Variants in SLC9A4 observed in about 807,000 individuals in gnomAD.
SLC9A4 encodes the protein solute carrier family 9 member A4.
Under a neutral mutation model 67.4 loss-of-function variants are expected in SLC9A4, and 63 were observed. The observed-to-expected ratio is 0.93, with a 90% confidence interval of 0.76 to 1.15. SLC9A4 has a LOEUF of 1.15. SLC9A4 is among the 50% of genes most tolerant of loss of function. The probability of loss-of-function intolerance (pLI) is 0.00; values close to 1 mark genes in which losing one functional copy is unlikely to be tolerated. For synonymous variants in SLC9A4, 393 were observed against 367.2 expected (o/e 1.07, Z -0.80); for missense variants, 1,089 against 987.7 (o/e 1.10, Z -1.38).
intron 2 of SLC9A4, among the ~76,000 whole-genome samples, chr2:102,487,184 T>A (rs1307891671): frequency 6.6e-6 from 1 of 151,632 alleles, no homozygotes; most frequent in East Asian, 1.9e-4. Context: ...AGCTGGTGTG[T>A]GTGTGTGTGT....
At chr2:102,511,706 G>A (rs1026773163) in intron 6 of SLC9A4, among the ~76,000 whole-genome samples, 1 of 151,974 alleles carries the variant, frequency 6.6e-6, no homozygotes, top group African/African-American at 2.4e-5. Flanking sequence ...ATATTAAAAT[G>A]AGAGATACTT....
rs75926774 is a variant in SLC9A4 at position 102,494,244 on chromosome 2, G to A, written c.721-9204G>A. 3.3e-3 allele frequency among the ~76,000 whole-genome samples: 503 copies of A among 151,906 alleles called. 18 individuals carry two copies. In the East Asian group the frequency reaches 0.077, roughly 23 times the overall value. On this transcript the variant is annotated intron_variant, in intron 2 of 11. Coordinates refer to ENST00000295269, the MANE Select transcript of SLC9A4 (RefSeq NM_001011552.4). ...ATTTAATGAACTGACATGGCTATAA[G>A]GTTTCTTTATTTTATATGAACTGGT... is the stretch of plus-strand genomic sequence containing the variant.
At chr2:102,495,890 G>C (rs550095777) in intron 2 of SLC9A4, among the ~76,000 whole-genome samples, 8 of 151,910 alleles carry the variant, frequency 5.3e-5, no homozygotes, top group African/African-American at 1.7e-4. Flanking sequence ...AAATGGAAAA[G>C]GTATAATTAT....
At chr2:102,514,725 G>A (rs1353594949) in intron 8 of SLC9A4, among the ~76,000 whole-genome samples, 1 of 152,146 alleles carries the variant, frequency 6.6e-6, no homozygotes, top group Non-Finnish European at 1.5e-5. Context: ...GGTCATTGGT[G>A]GTCTATGTAA....
intron 8 of SLC9A4, among the ~76,000 whole-genome samples, chr2:102,515,871 G>A (rs560568063): frequency 1.6e-4 from 24 of 152,162 alleles, no homozygotes; most frequent in Non-Finnish European, 3.1e-4. Flanking sequence ...GGGTCATGAC[G>A]TTAACAAAAA....
chr2:102,482,646 T>G (rs150586033), intron 2 of SLC9A4, among the ~76,000 whole-genome samples: 1 of 152,112 alleles, frequency 6.6e-6, no homozygotes, highest in Non-Finnish European at 1.5e-5. Flanking sequence ...CAGATCCAAG[T>G]TTTTTGGAGG....
At chr2:102,502,823 G>A (rs571008995) in intron 2 of SLC9A4, among the ~76,000 whole-genome samples, 277 of 152,376 alleles carry the variant, frequency 1.8e-3, no homozygotes, top group African/African-American at 6.4e-3. Flanking sequence ...CTCTCAGAGC[G>A]TGGGCTGCTC....
intron 11 of SLC9A4, among the ~76,000 whole-genome samples, chr2:102,530,029 G>A (rs769735201): frequency 2.0e-5 from 3 of 152,194 alleles, no homozygotes; most frequent in Non-Finnish European, 4.4e-5. Context: ...CAATGTGAAT[G>A]CACTTCATGC....
intron 2 of SLC9A4, among the ~76,000 whole-genome samples, chr2:102,491,317 CTTTT>C (rs61708027): frequency 1.2e-3 from 55 of 45,726 alleles, no homozygotes; most frequent in Non-Finnish European, 1.8e-3. Context: ...TGTACTAATG[CTTTT>C]TTTTTTTTTT....
rs1057096849 is a variant in SLC9A4 at position 102,531,046 on chromosome 2, A to C, written c.2039-1284A>C. ...AAGAACATGGCTTTCAGATTTAAATATAAAATACCTAAATTCTTTTTTTTT... is the reference window on the plus strand; with the variant it reads ...AAGAACATGGCTTTCAGATTTAAATCTAAAATACCTAAATTCTTTTTTTTT... On this transcript the variant is annotated intron_variant, in intron 11 of 11. Coordinates refer to ENST00000295269, the MANE Select transcript of SLC9A4 (RefSeq NM_001011552.4). Among the ~76,000 whole-genome samples the C allele has an allele frequency of 8.1e-5, 12 of 148,596 alleles. No individual in the cohort carries two copies. In the South Asian group the frequency reaches 8.4e-4, roughly 10 times the overall value.
chr2:102,486,063 C>A (rs1156647875), intron 2 of SLC9A4, among the ~76,000 whole-genome samples: 1 of 152,196 alleles, frequency 6.6e-6, no homozygotes, highest in Admixed American at 6.5e-5. Flanking sequence ...CATGATTCCT[C>A]CTGCTTTATA....
chr2:102,511,882 C>T (rs767648407), intron 6 of SLC9A4, among the ~76,000 whole-genome samples: 1 of 151,546 alleles, frequency 6.6e-6, no homozygotes, highest in African/African-American at 2.4e-5. Context: ...AATTATCCTC[C>T]GAGTGATTTC....
chr2:102,503,323 G>C (rs941919639), intron 2 of SLC9A4, 125 bp from the exon 3 acceptor site: 24 of 881,024 alleles, frequency 2.7e-5, no homozygotes, highest in African/African-American at 1.5e-4. Flanking sequence ...AGTCATCTTA[G>C]TATTTTTTGT....
chr2:102,532,509 G>C lies in SLC9A4; in HGVS notation c.2218G>C (p.Val740Leu). The change falls in exon 12 of 12, where the codon GTA (valine) becomes CTA (leucine). Residue 740 changes from valine (V) to leucine (L), a missense_variant. By Grantham distance (32) the Val-to-Leu change is conservative. Coordinates refer to ENST00000295269, the MANE Select transcript of SLC9A4 (RefSeq NM_001011552.4). Reference protein sequence around the residue: ...NTSQEEYLGGVRRVALRPKPL... With the variant: ...NTSQEEYLGGLRRVALRPKPL... ...AAGCCAAGAAGAGTACTTGGGTGGA[G>C]TAAGGAGGGTGGCCTTAAGACCCAA... 1 of 1,614,176 alleles carries C rather than the reference G, an allele frequency of 6.2e-7. No homozygotes were observed.
chr2:102,493,269 T>C (rs1350106681), intron 2 of SLC9A4, among the ~76,000 whole-genome samples: 1 of 149,548 alleles, frequency 6.7e-6, no homozygotes, highest in African/African-American at 2.6e-5. Flanking sequence ...GGTATCCTTA[T>C]AGTAGTACCC....
intron 11 of SLC9A4, among the ~76,000 whole-genome samples, chr2:102,531,359 T>C (rs13388541): frequency 0.11 from 16,445 of 152,198 alleles, 1,171 homozygotes; most frequent in African/African-American, 0.19. Context: ...TGTGTGCACA[T>C]TGAAGTGGGG....
intron 11 of SLC9A4, among the ~76,000 whole-genome samples, chr2:102,529,556 A>G (rs956858315): frequency 2.0e-5 from 3 of 152,226 alleles, no homozygotes; most frequent in Non-Finnish European, 4.4e-5. Context: ...AAACCATGAT[A>G]CATTTAAAAA....
chr2:102,505,641 G>A, intron 4 of SLC9A4, 170 bp downstream of exon 4: 1 of 637,498 alleles, frequency 1.6e-6, no homozygotes, highest in Non-Finnish European at 2.7e-6. Flanking sequence ...TGTTCCCTCA[G>A]TCAGCTCAAA....
At chr2:102,510,845 G>A (rs188371493) in intron 6 of SLC9A4, among the ~76,000 whole-genome samples, 3 of 152,172 alleles carry the variant, frequency 2.0e-5, no homozygotes, top group African/African-American at 4.8e-5. Context: ...CACTGGGCAT[G>A]GTTTCTATTT....
Sources: gnomAD v4.1 joint callset for allele counts (sites outside exome capture counted in the v4.1 genomes callset) on GRCh38, gnomAD v4.1.1 for gene constraint, MANE v1.5 for transcripts, NCBI Gene and HGNC (gene_info 2026-07-23, HGNC 2026-07-21) for gene names.